NUP155: variants seen among roughly 807,000 people sequenced by gnomAD.
NUP155 encodes the protein nuclear pore complex protein Nup155.
A neutral mutation model predicts 180.4 loss-of-function variants in NUP155; 71 were observed. The observed-to-expected ratio is 0.39, with a 90% CI of 0.33 to 0.48. The LOEUF is 0.48. Ranked by LOEUF, NUP155 falls within the 20% of genes least tolerant of loss-of-function variation. The pLI, the probability that NUP155 is intolerant of heterozygous loss-of-function variation, is 0.91. For synonymous variants in NUP155, 582 were observed against 559.5 expected (o/e 1.04, Z -0.57); for missense variants, 1,553 against 1,648.9 (o/e 0.94, Z 1.01).
intron 11 of NUP155, among the ~76,000 whole-genome samples, chr5:37,340,182 T>A (rs903302482): frequency 5.9e-5 from 9 of 152,302 alleles, no homozygotes; most frequent in South Asian, 2.1e-4. Flanking sequence ...GGCTCATGCC[T>A]GTAATCCCAG....
chr5:37,333,332 G>A, intron 13 of NUP155, 131 bp downstream of exon 13: 1 of 817,336 alleles, frequency 1.2e-6, no homozygotes, highest in African/African-American at 1.7e-5. Context: ...TCCAGCCTGG[G>A]TGATGAGCGA....
chr5:37,370,603 G>T, intron 1 of NUP155: 1 of 1,388,420 alleles, frequency 7.2e-7, no homozygotes, highest in Non-Finnish European at 9.5e-7. Flanking sequence ...TCAACTGGGA[G>T]CTTGCTCTTC....
intron 1 of NUP155, among the ~76,000 whole-genome samples, chr5:37,367,482 T>C (rs539708582): frequency 7.2e-5 from 11 of 151,944 alleles, no homozygotes; most frequent in South Asian, 2.1e-4. Context: ...CCCAAATTGC[T>C]GAGATTACAG....
At chr5:37,325,586 T>C (rs1391073482) in intron 19 of NUP155, among the ~76,000 whole-genome samples, 1 of 151,602 alleles carries the variant, frequency 6.6e-6, no homozygotes, top group Admixed American at 6.6e-5. Context: ...CTGGGCAACA[T>C]GGTGAAACCC....
intron 21 of NUP155, among the ~76,000 whole-genome samples, chr5:37,314,820 A>C (rs537283907): frequency 1.2e-4 from 18 of 152,162 alleles, no homozygotes; most frequent in Non-Finnish European, 2.2e-4. Flanking sequence ...AATAAAAGAG[A>C]GACAAAAAAT....
At chr5:37,300,841 G>A (rs1332375559) in intron 30 of NUP155, among the ~76,000 whole-genome samples, 1 of 126,726 alleles carries the variant, frequency 7.9e-6, no homozygotes, top group Non-Finnish European at 1.7e-5. Context: ...TTTTTTTTTT[G>A]ATGGAGTCTT....
intron 6 of NUP155, among the ~76,000 whole-genome samples, chr5:37,350,721 T>C (rs1265670058): frequency 6.6e-6 from 1 of 151,134 alleles, no homozygotes; most frequent in Non-Finnish European, 1.5e-5. Context: ...GAGAACTGCT[T>C]AAACCCAGGG....
At chr5:37,358,748 G>A (rs1267214826) in intron 3 of NUP155, among the ~76,000 whole-genome samples, 1 of 152,198 alleles carries the variant, frequency 6.6e-6, no homozygotes, top group Non-Finnish European at 1.5e-5. Context: ...GGTGGGCACA[G>A]TGGCTCACAC....
chr5:37,344,095 T>C (rs1470256185), intron 9 of NUP155, among the ~76,000 whole-genome samples: 1 of 152,000 alleles, frequency 6.6e-6, no homozygotes, highest in African/African-American at 2.4e-5. Flanking sequence ...ATCCTAGCAT[T>C]TTGAGAGGCT....
intron 1 of NUP155, among the ~76,000 whole-genome samples, chr5:37,367,616 T>A (rs217844): frequency 2.0e-5 from 3 of 149,040 alleles, no homozygotes; most frequent in East Asian, 2.0e-4. Context: ...CACTGCAAGC[T>A]CCGCCTCCCG....
chr5:37,304,662 C>T, intron 27 of NUP155, 77 bp downstream of exon 27: 2 of 1,032,842 alleles, frequency 1.9e-6, no homozygotes, highest in Non-Finnish European at 3.0e-6. Flanking sequence ...GAATTTTTTA[C>T]ATCTATATAT....
intron 4 of NUP155, among the ~76,000 whole-genome samples, chr5:37,356,103 C>T (rs1368374677): frequency 1.3e-5 from 2 of 151,608 alleles, no homozygotes; most frequent in Admixed American, 1.3e-4. Context: ...GTGGTGCATG[C>T]CTGTAATCCC....
chr5:37,328,257 G>A (rs1404436957), intron 17 of NUP155, 101 bp downstream of exon 17: 1 of 910,872 alleles, frequency 1.1e-6, no homozygotes. Flanking sequence ...TTATTTTCAA[G>A]GGAATAAGGC....
chr5:37,332,391 G>A lies in NUP155; in HGVS notation c.1519-596C>T, dbSNP rs562187924. On this transcript the variant is annotated intron_variant, in intron 13 of 34. Coordinates refer to ENST00000231498, the MANE Select transcript of NUP155 (RefSeq NM_153485.3). ...GGCTGGAGTGCAGTGGCGCAATCTC[G>A]GCTCACTGCAAGCTCCGCCTCCCGG... 8.5e-5 allele frequency among the ~76,000 whole-genome samples: 12 copies of A among 141,190 alleles called. No individual in the cohort carries two copies. In the South Asian group the frequency reaches 2.0e-3, roughly 23 times the overall value. 92.6% of individuals were successfully genotyped at this position (141,190 alleles called of 152,430 possible).
At chr5:37,295,619 C>T (rs1244016098) in intron 32 of NUP155, among the ~76,000 whole-genome samples, 2 of 144,172 alleles carry the variant, frequency 1.4e-5, no homozygotes, top group Middle Eastern at 3.5e-3. Context: ...TCTTCCCGGC[C>T]GCCATCCCAT....
chr5:37,340,284 T>C (rs1745626290), intron 11 of NUP155, among the ~76,000 whole-genome samples: 1 of 151,726 alleles, frequency 6.6e-6, no homozygotes, highest in African/African-American at 2.4e-5. Flanking sequence ...CTACAAAAAG[T>C]ACAAAAATTA....
chr5:37,342,752 T>A, intron 9 of NUP155, 106 bp from the exon 10 acceptor site: 1 of 825,972 alleles, frequency 1.2e-6, no homozygotes, highest in Non-Finnish European at 2.0e-6. Context: ...TCCTTTTTTT[T>A]TTGAGATGTA....
In NUP155 at chr5:37,329,235, G is replaced by T. The variant is rs750033954; in HGVS notation, c.1768C>A (p.Pro590Thr). The T allele has an allele frequency of 3.1e-6, 5 of 1,613,952 alleles. No individual in the cohort carries two copies. Among genetic ancestry groups the T allele is most frequent in the Non-Finnish European group, 3.4e-6 (4 of 1,179,874 alleles). Residue 590 changes from proline (P) to threonine (T), a missense_variant, in exon 16 of 35, where the codon CCT (proline) becomes ACT (threonine). Coordinates refer to ENST00000231498, the MANE Select transcript of NUP155 (RefSeq NM_153485.3). ...AQMRFPTTLPPPSNVGPILGS... is the reference protein window; with the variant it reads ...AQMRFPTTLPTPSNVGPILGS... ...AAGATGGGACCAACATTACTTGGAG[G>T]CGGAAGAGTGGTTGGAAATCTCATC... is the stretch of plus-strand genomic sequence containing the variant.
At chr5:37,294,010 A>G (rs1426167197) in intron 33 of NUP155, among the ~76,000 whole-genome samples, 1 of 75,186 alleles carries the variant, frequency 1.3e-5, no homozygotes, top group Non-Finnish European at 2.1e-5. Flanking sequence ...CGTCTCAAAA[A>G]AAAAAAAAAA....
Sources: gnomAD v4.1 joint callset for allele counts (sites outside exome capture counted in the v4.1 genomes callset) on GRCh38, gnomAD v4.1.1 for gene constraint, MANE v1.5 for transcripts, NCBI Gene and HGNC (gene_info 2026-07-23, HGNC 2026-07-21) for gene names.